WDR49: variants seen among roughly 807,000 people sequenced by gnomAD.
WDR49 encodes cilia- and flagella-associated protein 337.
Under a neutral mutation model 119.5 loss-of-function variants are expected in WDR49, and 107 were observed. That is an observed-to-expected ratio of 0.90 (90% CI 0.77 to 1.05). WDR49 has a LOEUF of 1.05. Among genes scored for constraint, WDR49 ranks in the 50% least tolerant of loss-of-function variants. The pLI is 0.00. For missense variants in WDR49, 1,240 were observed against 1,220.5 expected, an observed-to-expected ratio of 1.02 and a Z score of -0.24; for synonymous variants, 425 against 418.8, an observed-to-expected ratio of 1.01 and a Z score of -0.18.
chr3:167,567,485 G>GGA (rs1713675127), intron 8 of WDR49, among the ~76,000 whole-genome samples: 1 of 152,168 alleles, frequency 6.6e-6, no homozygotes, highest in Non-Finnish European at 1.5e-5. Flanking sequence ...CGTGGACACA[G>GGA]TTTTCTTCAG....
In WDR49 at chr3:167,602,164, A is replaced by G. The variant is rs773290644; in HGVS notation, c.1238T>C (p.Val413Ala). Reference protein sequence around the residue: ...SASVIAVQFFVERKQLFSFSK... With the variant: ...SASVIAVQFFAERKQLFSFSK... ...GAAGCTGAAAAGTTGTTTTCTTTCC[A>G]CAAAGAATTGGACGGCTATTACACT... The change falls in exon 7 of 19, where the codon GTG becomes GCG. Residue 413 changes from valine (V) to alanine (A), a missense_variant. Coordinates refer to ENST00000682715, the MANE Select transcript of WDR49 (RefSeq NM_001366157.1). 29 of 1,599,208 alleles carry G rather than the reference A, an allele frequency of 1.8e-5. 1 individual carries two copies. In the Admixed American group the frequency reaches 4.8e-4, roughly 27 times the overall value.
At chr3:167,566,016 C>G (rs1021424731) in intron 8 of WDR49, among the ~76,000 whole-genome samples, 4 of 152,132 alleles carry the variant, frequency 2.6e-5, no homozygotes, top group African/African-American at 9.7e-5. Context: ...GAATCACCCA[C>G]TCTGTGTAAA....
In WDR49 at chr3:167,522,407, C is replaced by G. The variant is rs1220278408; in HGVS notation, c.2682G>C (p.Lys894Asn). Residue 894 changes from lysine to asparagine, a missense_variant, in exon 16 of 19, where the codon AAG (lysine) becomes AAC (asparagine). Lys to Asn is a moderately conservative substitution (Grantham distance 94). Coordinates refer to ENST00000682715, the MANE Select transcript of WDR49 (RefSeq NM_001366157.1). ...CCTCCTTAGAAAATAAAGAAATTTC[C>G]TTTTGAATCTCACTTTCCACTAAAT... ...DTNLVESEIQKEISLFSKEES... is the reference protein window; with the variant it reads ...DTNLVESEIQNEISLFSKEES... The G allele has an allele frequency of 6.2e-7, 1 of 1,610,678 alleles. No individual in the cohort carries two copies. The highest frequency in any genetic ancestry group is 8.5e-7 in the Non-Finnish European group (1 of 1,178,840).
At chr3:167,500,409 T>C (rs1252786287) in intron 17 of WDR49, 110 bp from the exon 18 acceptor site, 14 of 1,307,618 alleles carry the variant, frequency 1.1e-5, no homozygotes, top group Non-Finnish European at 1.2e-5. Flanking sequence ...AATTTAACCT[T>C]CCTGTTACTC....
chr3:167,592,640 G>A (rs948958933), intron 7 of WDR49, among the ~76,000 whole-genome samples: 2 of 151,928 alleles, frequency 1.3e-5, no homozygotes, highest in Non-Finnish European at 2.9e-5. Flanking sequence ...TCACCATGTT[G>A]GGCAGGACGG....
intron 18 of WDR49, among the ~76,000 whole-genome samples, chr3:167,498,982 TC>T (rs1751461420): frequency 6.6e-6 from 1 of 152,230 alleles, no homozygotes; most frequent in African/African-American, 2.4e-5. Flanking sequence ...AGTATCATTT[TC>T]TGAGCCCCCA....
chr3:167,585,436 T>C (rs1453612287), intron 7 of WDR49, among the ~76,000 whole-genome samples: 1 of 148,056 alleles, frequency 6.8e-6, no homozygotes, highest in Non-Finnish European at 1.5e-5. Flanking sequence ...GTGTGTGTCA[T>C]GGCTAACAAA....
At chr3:167,571,865 T>G (rs1713956247) in intron 8 of WDR49, among the ~76,000 whole-genome samples, 1 of 152,206 alleles carries the variant, frequency 6.6e-6, no homozygotes, top group Non-Finnish European at 1.5e-5. Flanking sequence ...TATTAAAATT[T>G]GATGACACCT....
intron 17 of WDR49, among the ~76,000 whole-genome samples, chr3:167,501,119 G>A (rs1376855744): frequency 6.6e-6 from 1 of 152,212 alleles, no homozygotes; most frequent in East Asian, 1.9e-4. Context: ...GAGGAAAGCA[G>A]GGATGAGGGT....
chr3:167,630,047 T>C (rs957388250), intron 2 of WDR49, among the ~76,000 whole-genome samples: 3 of 152,174 alleles, frequency 2.0e-5, no homozygotes, highest in Non-Finnish European at 4.4e-5. Flanking sequence ...TTTGAGAGTA[T>C]TGACTTCAAT....
At chr3:167,612,512 C>T (rs1195336868) in intron 5 of WDR49, among the ~76,000 whole-genome samples, 1 of 149,722 alleles carries the variant, frequency 6.7e-6, no homozygotes, top group Non-Finnish European at 1.5e-5. Flanking sequence ...GAAAAAAATA[C>T]AGAAGATTAA....
At chr3:167,496,176 T>C (rs896725889) in intron 18 of WDR49, among the ~76,000 whole-genome samples, 1 of 152,060 alleles carries the variant, frequency 6.6e-6, no homozygotes, top group African/African-American at 2.4e-5. Flanking sequence ...CAAATAAATA[T>C]GAACATTGAA....
intron 10 of WDR49, among the ~76,000 whole-genome samples, chr3:167,548,187 T>G (rs1184631537): frequency 1.3e-5 from 2 of 152,014 alleles, no homozygotes; most frequent in African/African-American, 2.4e-5. Context: ...ACAAAATTTC[T>G]TTCATAGATT....
chr3:167,622,310 G>A (rs1716911731), intron 3 of WDR49, among the ~76,000 whole-genome samples: 1 of 152,064 alleles, frequency 6.6e-6, no homozygotes, highest in Non-Finnish European at 1.5e-5. Context: ...GCCAACGCAG[G>A]AGGATTACTT....
chr3:167,507,530 C>A (rs1220166619), intron 16 of WDR49, among the ~76,000 whole-genome samples: 1 of 152,162 alleles, frequency 6.6e-6, no homozygotes, highest in Non-Finnish European at 1.5e-5. Flanking sequence ...AAGAATTATT[C>A]ATGTAAACAT....
rs140077214 is a variant in WDR49 at position 167,487,151 on chromosome 3, A to C, written c.3032-8155T>G. 3.4e-3 allele frequency among the ~76,000 whole-genome samples: 511 copies of C among 152,280 alleles called. 9 individuals are homozygous for C. Among genetic ancestry groups the C allele is most frequent in the African/African-American group, 4.8e-3 (201 of 41,564 alleles). ...CTATACTATAAGGCCACAGTAACCA[A>C]AACAGCATGGTACTGACACAAAAAC... On this transcript the variant is annotated intron_variant, in intron 18 of 18. Coordinates refer to ENST00000682715, the MANE Select transcript of WDR49 (RefSeq NM_001366157.1).
intron 2 of WDR49, among the ~76,000 whole-genome samples, chr3:167,651,129 A>G (rs997248963): frequency 6.6e-6 from 1 of 152,192 alleles, no homozygotes; most frequent in African/African-American, 2.4e-5. Flanking sequence ...TGCATAATTC[A>G]AAGACCCAAC....
chr3:167,509,932 T>C (rs1290322003), intron 16 of WDR49, among the ~76,000 whole-genome samples: 1 of 138,268 alleles, frequency 7.2e-6, no homozygotes, highest in Non-Finnish European at 1.6e-5. Context: ...CTGTGTCTAC[T>C]AAGTCACAGT....
intron 2 of WDR49, among the ~76,000 whole-genome samples, chr3:167,630,406 T>C (rs1559924647): frequency 6.6e-6 from 1 of 152,144 alleles, no homozygotes; most frequent in African/African-American, 2.4e-5. Flanking sequence ...ATATTTATCT[T>C]TTATTTGCTC....
Sources: gnomAD v4.1 joint callset for allele counts (sites outside exome capture counted in the v4.1 genomes callset) on GRCh38, gnomAD v4.1.1 for gene constraint, MANE v1.5 for transcripts, NCBI Gene and HGNC (gene_info 2026-07-23, HGNC 2026-07-21) for gene names.